The following RMST variants were observed in gnomAD, a reference collection of about 807,000 sequenced individuals.
The protein encoded by RMST is long intergenic non-protein coding RNA 54.
At chr12:97,514,523 T>C (rs1034284193) in intron 10 of RMST, among the ~76,000 whole-genome samples, 3 of 152,224 alleles carry the variant, frequency 2.0e-5, no homozygotes, top group African/African-American at 7.2e-5. Context: ...TTAATTTCTA[T>C]GCCATATCTA....
At chr12:97,476,132 T>G (rs1007379169) in intron 5 of RMST, among the ~76,000 whole-genome samples, 1 of 152,150 alleles carries the variant, frequency 6.6e-6, no homozygotes, top group Admixed American at 6.6e-5. Flanking sequence ...ATAAGGCAAT[T>G]TTTATACCTT....
At chr12:97,545,599 G>A (rs569838622) in intron 11 of RMST, among the ~76,000 whole-genome samples, 3 of 152,158 alleles carry the variant, frequency 2.0e-5, no homozygotes, top group Non-Finnish European at 2.9e-5. Context: ...TCTTTGGAAA[G>A]CACTCTCAGT....
rs201741204 is a variant in RMST, at chr12:97,541,028, A to ATG, written n.1545+10175_1545+10176dup. Among the ~76,000 whole-genome samples the ATG allele has an allele frequency of 3.4e-3, 520 of 151,346 alleles. 5 individuals carry two copies. The highest frequency in any genetic ancestry group is 0.01 in the African/African-American group (423 of 41,302). ...GTCCCAGGTGTATATATATATATAT[A>ATG]TGTGTGTTTTGTACACATATATCAT... On this transcript the variant is annotated intron_variant and non_coding_transcript_variant, in intron 11 of 13. Transcript: ENST00000640149.
chr12:97,532,906 C>T lies in RMST; in HGVS notation n.1545+2047C>T, dbSNP rs116004554. 4.7e-3 allele frequency: 716 copies of T among 151,498 alleles called. 5 individuals are homozygous for T. Among genetic ancestry groups the T allele is most frequent in the African/African-American group, 0.016 (652 of 41,320 alleles). The allele number at this position is 151,498 out of a possible 1,614,324, so 9.4% of individuals were successfully genotyped here. A position where few individuals can be genotyped will look rare whatever the true frequency, so the allele number is the denominator to read the frequency against. Reference sequence around the variant, plus strand: ...ATTGACCTTTGTTAGGGTGATTAACCCTTCTGAAATTAAAAGCCAGAGCTG... The same window carrying T: ...ATTGACCTTTGTTAGGGTGATTAACTCTTCTGAAATTAAAAGCCAGAGCTG... On this transcript the variant is annotated intron_variant and non_coding_transcript_variant, in intron 11 of 13. Coordinates refer to ENST00000640149, the Ensembl canonical transcript of RMST.
Position 97,512,295 on chromosome 12 carries a change from G to A in RMST, n.1340+16239G>A, listed in dbSNP as rs140977164. ...TGGTGTTACAGCTCATAAAGGCAGT[G>A]GGGACCCAAAGAGTGAGCAGCAGCA... On this transcript the variant is annotated intron_variant and non_coding_transcript_variant, in intron 10 of 13. Transcript: ENST00000640149. 4.7e-3 allele frequency among the ~76,000 whole-genome samples: 722 copies of A among 152,274 alleles called. 8 individuals are homozygous for A. The highest frequency in any genetic ancestry group is 0.016 in the African/African-American group (658 of 41,554).
At chr12:97,472,336 A>G (rs550306802) in intron 5 of RMST, among the ~76,000 whole-genome samples, 1 of 152,286 alleles carries the variant, frequency 6.6e-6, no homozygotes, top group East Asian at 1.9e-4. Flanking sequence ...TGTTGTGCTT[A>G]TATTCAATCC....
At chr12:97,541,030 G>T (rs528504210) in intron 11 of RMST, among the ~76,000 whole-genome samples, 1 of 146,734 alleles carries the variant, frequency 6.8e-6, no homozygotes, top group Non-Finnish European at 1.5e-5. Context: ...ATATATATAT[G>T]TGTGTTTTGT....
intron 5 of RMST, among the ~76,000 whole-genome samples, chr12:97,491,111 C>T (rs527956149): frequency 6.6e-6 from 1 of 152,166 alleles, no homozygotes; most frequent in Non-Finnish European, 1.5e-5. Flanking sequence ...CTGCTTTCTT[C>T]GATGAATCGA....
chr12:97,530,360 G>C (rs995270318), intron 10 of RMST: 2 of 151,970 alleles, frequency 1.3e-5, no homozygotes, highest in Admixed American at 6.6e-5. Flanking sequence ...TGTATTCTTG[G>C]TTCCAAATCA....
intron 9 of RMST, among the ~76,000 whole-genome samples, chr12:97,495,259 C>T (rs2136460830): frequency 6.6e-6 from 1 of 151,830 alleles, no homozygotes; most frequent in East Asian, 1.9e-4. Context: ...CTTAAATGTG[C>T]ACAAACCAAA....
At chr12:97,543,156 T>C (rs751234559) in intron 11 of RMST, among the ~76,000 whole-genome samples, 3 of 152,060 alleles carry the variant, frequency 2.0e-5, no homozygotes, top group Non-Finnish European at 4.4e-5. Context: ...TGTGCTCATA[T>C]GCTGGATTAT....
intron 10 of RMST, among the ~76,000 whole-genome samples, chr12:97,520,641 C>T (rs1467752401): frequency 6.6e-6 from 1 of 152,002 alleles, no homozygotes; most frequent in Non-Finnish European, 1.5e-5. Flanking sequence ...CTTGAAAAAT[C>T]CCCCAAACGA....
At chr12:97,479,495 A>G (rs1428607657) in intron 5 of RMST, among the ~76,000 whole-genome samples, 2 of 151,988 alleles carry the variant, frequency 1.3e-5, no homozygotes, top group African/African-American at 2.4e-5. Flanking sequence ...TTCTGCTCCT[A>G]CCTTACTACT....
intron 5 of RMST, among the ~76,000 whole-genome samples, chr12:97,468,856 C>T (rs1873533295): frequency 6.6e-6 from 1 of 151,982 alleles, no homozygotes; most frequent in Non-Finnish European, 1.5e-5. Flanking sequence ...TTCATTCACT[C>T]ATGCATCAAA....
chr12:97,503,541 G>T (rs142084293), intron 10 of RMST, among the ~76,000 whole-genome samples: 2 of 151,700 alleles, frequency 1.3e-5, no homozygotes, highest in East Asian at 3.9e-4. Context: ...CTGCTAACTG[G>T]CAAACCAGAC....
chr12:97,564,492 T>C (rs184078896), exon 14 of RMST: 1 of 152,846 alleles, frequency 6.5e-6, no homozygotes, highest in Non-Finnish European at 1.5e-5. Context: ...GCTTCAACTA[T>C]GTGACCTGGG....
intron 11 of RMST, among the ~76,000 whole-genome samples, chr12:97,535,816 A>C (rs912471138): frequency 1.3e-5 from 2 of 151,618 alleles, no homozygotes; most frequent in African/African-American, 4.8e-5. Context: ...GTATGAGAAG[A>C]GGGAGTTTAG....
At chr12:97,515,894 C>A (rs1429056223) in intron 10 of RMST, among the ~76,000 whole-genome samples, 2 of 152,052 alleles carry the variant, frequency 1.3e-5, no homozygotes, top group South Asian at 2.1e-4. Flanking sequence ...AGAGAACTTA[C>A]TGTGGATATT....
intron 4 of RMST, chr12:97,465,626 T>A (rs757973179): frequency 6.6e-6 from 1 of 152,184 alleles, no homozygotes; most frequent in Non-Finnish European, 1.5e-5. Context: ...GTAAAGTTTT[T>A]TTTTAAGTAA....
Sources: gnomAD v4.1 joint callset for allele counts (sites outside exome capture counted in the v4.1 genomes callset) on GRCh38, gnomAD v4.1.1 for gene constraint, MANE v1.5 for transcripts, NCBI Gene and HGNC (gene_info 2026-07-23, HGNC 2026-07-21) for gene names.